Variants in ADGRV1 observed in about 807,000 individuals in gnomAD.
ADGRV1 encodes the protein G-protein coupled receptor 98.
A neutral mutation model predicts 596.2 loss-of-function variants in ADGRV1; 359 were observed. The observed-to-expected ratio is 0.60, with a 90% CI of 0.55 to 0.66. ADGRV1 has a LOEUF of 0.66. Among genes scored for constraint, ADGRV1 ranks in the 30% least tolerant of loss-of-function variants. The pLI is 0.00. For missense variants in ADGRV1, 7,274 were observed against 7,575.6 expected, an observed-to-expected ratio of 0.96 and a Z score of 1.48; for synonymous variants, 2,681 against 2,679.2, an observed-to-expected ratio of 1.00 and a Z score of -0.02.
At chr5:90,586,920 A>G (rs1399396088) in intron 1 of ADGRV1, among the ~76,000 whole-genome samples, 2 of 152,236 alleles carry the variant, frequency 1.3e-5, no homozygotes, top group African/African-American at 4.8e-5. Context: ...TCTGTAAGGA[A>G]AAACTTTTTC....
intron 83 of ADGRV1, among the ~76,000 whole-genome samples, chr5:90,926,169 C>T (rs1038570314): frequency 6.6e-6 from 1 of 151,166 alleles, no homozygotes; most frequent in Admixed American, 6.6e-5. Flanking sequence ...GGAGGATTCC[C>T]TCTTTTTGTA....
intron 54 of ADGRV1, 75 bp from the exon 55 acceptor site, chr5:90,754,908 T>C (rs912004763): frequency 4.1e-6 from 4 of 986,532 alleles, no homozygotes; most frequent in African/African-American, 1.6e-5. Context: ...AGTAGAGTGT[T>C]CCACTCTAGG....
intron 86 of ADGRV1, among the ~76,000 whole-genome samples, chr5:91,095,515 C>T (rs893977708): frequency 1.3e-5 from 2 of 152,088 alleles, no homozygotes; most frequent in Non-Finnish European, 2.9e-5. Context: ...TCCTGTATGA[C>T]CCTCAGTTTA....
intron 45 of ADGRV1, 47 bp from the exon 46 acceptor site, chr5:90,724,784 GT>G: frequency 6.5e-7 from 1 of 1,542,028 alleles, no homozygotes; most frequent in Non-Finnish European, 8.9e-7. Flanking sequence ...GAATAGATAA[GT>G]TTTTGAAGGA....
At chr5:91,072,735 A>C (rs1473592822) in intron 86 of ADGRV1, 131 bp downstream of exon 86, 6 of 833,528 alleles carry the variant, frequency 7.2e-6, no homozygotes, top group African/African-American at 1.7e-5. Context: ...AAGTTAAGCT[A>C]TAGCTCTCCA....
At chr5:90,746,853 C>T (rs1754686091) in intron 52 of ADGRV1, among the ~76,000 whole-genome samples, 1 of 152,156 alleles carries the variant, frequency 6.6e-6, no homozygotes, top group Admixed American at 6.5e-5. Flanking sequence ...TAACAAATGC[C>T]TGTTAGGTAC....
chr5:91,022,564 G>C (rs1783729248), intron 85 of ADGRV1, among the ~76,000 whole-genome samples: 1 of 152,168 alleles, frequency 6.6e-6, no homozygotes, highest in Middle Eastern at 3.4e-3. Context: ...AATTTTCTAA[G>C]TTCTAGATAC....
At chr5:90,714,997 TG>T (rs1015849103) in intron 42 of ADGRV1, among the ~76,000 whole-genome samples, 23 of 152,310 alleles carry the variant, frequency 1.5e-4, no homozygotes, top group African/African-American at 5.3e-4. Context: ...CTATTTTGAT[TG>T]GGGTTGAATT....
intron 50 of ADGRV1, among the ~76,000 whole-genome samples, chr5:90,734,574 T>G (rs922480613): frequency 1.1e-4 from 16 of 147,632 alleles, no homozygotes; most frequent in South Asian, 6.4e-4. Flanking sequence ...TTTCAGGTCT[T>G]TAGCCTATTT....
chr5:90,572,562 C>CAA (rs1756670841), intron 1 of ADGRV1, among the ~76,000 whole-genome samples: 3 of 152,028 alleles, frequency 2.0e-5, no homozygotes, highest in African/African-American at 7.2e-5. Flanking sequence ...ACAAGGCCAA[C>CAA]AAAAACAAGC....
At chr5:90,766,564 A>T (rs1757169325) in intron 59 of ADGRV1, among the ~76,000 whole-genome samples, 1 of 152,164 alleles carries the variant, frequency 6.6e-6, no homozygotes, top group South Asian at 2.1e-4. Flanking sequence ...CAATCAAAAA[A>T]CTGAAACACA....
At chr5:91,009,652 T>C (rs1033047558) in intron 85 of ADGRV1, among the ~76,000 whole-genome samples, 1 of 145,156 alleles carries the variant, frequency 6.9e-6, no homozygotes, top group Non-Finnish European at 1.5e-5. Flanking sequence ...TTGAATATGA[T>C]TTTAATAAAA....
At chr5:90,676,314 A>T (rs1744215479) in intron 25 of ADGRV1, 105 bp downstream of exon 25, 1 of 997,108 alleles carries the variant, frequency 1.0e-6, no homozygotes, top group Non-Finnish European at 1.4e-6. Flanking sequence ...TCTTACTTAA[A>T]TAAATGAATA....
intron 50 of ADGRV1, among the ~76,000 whole-genome samples, chr5:90,737,197 T>A (rs181068276): frequency 2.8e-4 from 43 of 152,082 alleles, no homozygotes; most frequent in Admixed American, 9.2e-4. Flanking sequence ...GCAAGTCATT[T>A]ATTGTTTAGA....
chr5:91,062,953 C>CTTTTTTTTTTTTTTTTTTTTTTTTTT (rs70973726), intron 85 of ADGRV1, among the ~76,000 whole-genome samples: 1 of 80,844 alleles, frequency 1.2e-5, no homozygotes, highest in African/African-American at 4.4e-5. Flanking sequence ...GTTTCTCAAA[C>CTTTTTTTTTTTTTTTTTTTTTTTTTT]TTTTTTTTTT....
At chr5:90,712,245 G>A (rs1749460713) in intron 41 of ADGRV1, 42 bp from the exon 42 acceptor site, 1 of 1,185,450 alleles carries the variant, frequency 8.4e-7, no homozygotes, top group East Asian at 2.6e-5. Flanking sequence ...AACTCACAGT[G>A]TATATAAATA....
Position 91,160,821 on chromosome 5 carries a change from G to A in ADGRV1, c.18803-2961G>A, listed in dbSNP as rs192654427. Reference sequence around the variant, plus strand: ...TTTTCTGAGTCTCAGTGAGGGATGAGTATCTGGATATTTGTGCATTTCTTT... The same window carrying A: ...TTTTCTGAGTCTCAGTGAGGGATGAATATCTGGATATTTGTGCATTTCTTT... On this transcript the variant is annotated intron_variant, in intron 89 of 89. Coordinates refer to ENST00000405460, the MANE Select transcript of ADGRV1 (RefSeq NM_032119.4). Among the ~76,000 whole-genome samples the A allele has an allele frequency of 1.5e-3, 224 of 152,314 alleles. 1 individual carries two copies. The highest frequency in any genetic ancestry group is 2.6e-3 in the Non-Finnish European group (179 of 68,034).
At chr5:90,837,110 C>CT (rs1765034222) in intron 77 of ADGRV1, among the ~76,000 whole-genome samples, 1 of 152,196 alleles carries the variant, frequency 6.6e-6, no homozygotes, top group African/African-American at 2.4e-5. Flanking sequence ...GCATCTGTGG[C>CT]TTATATCTAA....
At chr5:90,695,217 A>G (rs535170229) in intron 33 of ADGRV1, among the ~76,000 whole-genome samples, 1 of 152,268 alleles carries the variant, frequency 6.6e-6, no homozygotes, top group Non-Finnish European at 1.5e-5. Flanking sequence ...CATTAATCCT[A>G]ATGATAAATT....
Sources: gnomAD v4.1 joint callset for allele counts (sites outside exome capture counted in the v4.1 genomes callset) on GRCh38, gnomAD v4.1.1 for gene constraint, MANE v1.5 for transcripts, NCBI Gene and HGNC (gene_info 2026-07-23, HGNC 2026-07-21) for gene names.